PLCXD3: variants seen among roughly 807,000 people sequenced by gnomAD.
The protein encoded by PLCXD3 is phosphatidylinositol specific phospholipase C X domain containing 3.
In PLCXD3, 19 loss-of-function variants were observed where a neutral mutation model predicts 25.5. That is an observed-to-expected ratio of 0.75 (90% CI 0.52 to 1.09). The LOEUF (loss-of-function observed/expected upper bound fraction) is 1.09, where lower values mean the gene tolerates loss of function less well. PLCXD3 is among the 50% of genes least tolerant of loss of function. The pLI, the probability that PLCXD3 is intolerant of heterozygous loss-of-function variation, is 0.00. For missense variants in PLCXD3, 411 were observed against 388.1 expected, an observed-to-expected ratio of 1.06 and a Z score of -0.50; for synonymous variants, 174 against 137.6, an observed-to-expected ratio of 1.26 and a Z score of -1.85.
At chr5:41,336,904 C>T (rs568345237) in intron 2 of PLCXD3, among the ~76,000 whole-genome samples, 1 of 152,244 alleles carries the variant, frequency 6.6e-6, no homozygotes, top group South Asian at 2.1e-4. Flanking sequence ...ACCTTCTGCA[C>T]ACAAATCTTG....
intron 1 of PLCXD3, among the ~76,000 whole-genome samples, chr5:41,478,876 G>C (rs1391219696): frequency 6.6e-6 from 1 of 152,176 alleles, no homozygotes; most frequent in East Asian, 1.9e-4. Context: ...TTCTTCACAT[G>C]GCAGAGCAGC....
chr5:41,394,293 A>G (rs1745930746), intron 1 of PLCXD3, among the ~76,000 whole-genome samples: 1 of 152,186 alleles, frequency 6.6e-6, no homozygotes, highest in African/African-American at 2.4e-5. Flanking sequence ...AAATGAATAC[A>G]TAAAAAATAA....
chr5:41,307,585 C>T lies in PLCXD3; in HGVS notation c.*6032G>A, dbSNP rs1405830809. 6.6e-6 allele frequency: 1 copy of T among 152,194 alleles called. No homozygotes were observed. Among genetic ancestry groups the T allele is most frequent in the Non-Finnish European group, 1.5e-5 (1 of 68,132 alleles). The allele number at this position is 152,194 out of a possible 1,614,324, so 9.4% of individuals were successfully genotyped here. A position where few individuals can be genotyped will look rare whatever the true frequency, so the allele number is the denominator to read the frequency against. On this transcript the variant is annotated 3_prime_UTR_variant, in exon 3 of 3. Coordinates refer to ENST00000377801, the MANE Select transcript of PLCXD3 (RefSeq NM_001005473.3). Reference sequence around the variant, plus strand: ...GATAGCTGCATGTCAGGGTCAGATTCTATCCCCTACTTGCGCCTGCCTCCC... The same window carrying T: ...GATAGCTGCATGTCAGGGTCAGATTTTATCCCCTACTTGCGCCTGCCTCCC...
chr5:41,451,641 CT>C (rs977847427), intron 1 of PLCXD3, among the ~76,000 whole-genome samples: 35 of 148,108 alleles, frequency 2.4e-4, no homozygotes, highest in African/African-American at 4.0e-4. Context: ...TTTCCTCTCT[CT>C]TTTTTTTTTT....
intron 1 of PLCXD3, among the ~76,000 whole-genome samples, chr5:41,439,659 A>G (rs773827535): frequency 2.3e-4 from 35 of 152,170 alleles, no homozygotes; most frequent in Admixed American, 4.6e-4. Context: ...AACCTCTTCC[A>G]AATGTCTTTC....
intron 1 of PLCXD3, among the ~76,000 whole-genome samples, chr5:41,424,369 C>T (rs1351710717): frequency 2.0e-5 from 3 of 152,092 alleles, no homozygotes; most frequent in Non-Finnish European, 4.4e-5. Context: ...GGATAAACCC[C>T]GTCTCTACTA....
chr5:41,507,069 A>G (rs918124952), intron 1 of PLCXD3, among the ~76,000 whole-genome samples: 2 of 152,216 alleles, frequency 1.3e-5, no homozygotes, highest in African/African-American at 4.8e-5. Flanking sequence ...CATGCAGATT[A>G]CCAGCACCTT....
intron 1 of PLCXD3, among the ~76,000 whole-genome samples, chr5:41,491,583 G>T (rs1482512289): frequency 6.6e-6 from 1 of 152,072 alleles, no homozygotes; most frequent in Admixed American, 6.5e-5. Flanking sequence ...CTCTTTGTAG[G>T]TCTGTAAGGA....
At chr5:41,415,358 C>G (rs750894993) in intron 1 of PLCXD3, among the ~76,000 whole-genome samples, 1 of 152,152 alleles carries the variant, frequency 6.6e-6, no homozygotes, top group Non-Finnish European at 1.5e-5. Context: ...TTCAGGAAAC[C>G]TTGTCCCAGA....
chr5:41,340,473 C>A (rs1051859224), intron 2 of PLCXD3, among the ~76,000 whole-genome samples: 1 of 152,180 alleles, frequency 6.6e-6, no homozygotes, highest in African/African-American at 2.4e-5. Flanking sequence ...TTCTTCACCA[C>A]TCCACACTGG....
At chr5:41,420,415 A>C (rs1746791988) in intron 1 of PLCXD3, among the ~76,000 whole-genome samples, 1 of 152,218 alleles carries the variant, frequency 6.6e-6, no homozygotes, top group Non-Finnish European at 1.5e-5. Flanking sequence ...CTAGTGGCAT[A>C]AATTCAGTGT....
intron 1 of PLCXD3, among the ~76,000 whole-genome samples, chr5:41,387,725 A>G (rs1011442241): frequency 3.3e-5 from 5 of 152,146 alleles, no homozygotes; most frequent in African/African-American, 1.2e-4. Context: ...TCTTATTTTT[A>G]AACTAATGAA....
chr5:41,468,009 C>CTTTTTTTTT (rs145732089), intron 1 of PLCXD3, among the ~76,000 whole-genome samples: 2 of 52,404 alleles, frequency 3.8e-5, no homozygotes, highest in Non-Finnish European at 3.2e-5. Context: ...CAGCTTTATT[C>CTTTTTTTTT]TTTTTTTTTT....
At chr5:41,342,837 T>G (rs529773728) in intron 2 of PLCXD3, among the ~76,000 whole-genome samples, 18 of 152,246 alleles carry the variant, frequency 1.2e-4, no homozygotes, top group African/African-American at 3.6e-4. Context: ...AAGCTGAAAA[T>G]GCTTGCTTCA....
At chr5:41,466,249 A>T (rs1196944042) in intron 1 of PLCXD3, among the ~76,000 whole-genome samples, 2 of 152,212 alleles carry the variant, frequency 1.3e-5, no homozygotes, top group Admixed American at 6.5e-5. Context: ...ATGTAAGAAA[A>T]TTGAGCCCTG....
chr5:41,363,981 G>C (rs927776467), intron 2 of PLCXD3, among the ~76,000 whole-genome samples: 1 of 152,154 alleles, frequency 6.6e-6, no homozygotes, highest in Non-Finnish European at 1.5e-5. Context: ...TAAAGAAATA[G>C]AGCATCTGCA....
chr5:41,507,617 C>T (rs1414258127), intron 1 of PLCXD3, among the ~76,000 whole-genome samples: 2 of 152,162 alleles, frequency 1.3e-5, no homozygotes, highest in African/African-American at 4.8e-5. Flanking sequence ...TTTGCTGTAA[C>T]TCTGGGCAAT....
chr5:41,386,169 G>A (rs1448176136), intron 1 of PLCXD3, among the ~76,000 whole-genome samples: 2 of 152,070 alleles, frequency 1.3e-5, no homozygotes, highest in African/African-American at 4.8e-5. Flanking sequence ...TTTCAAAGAA[G>A]AGAAATTAAC....
At chr5:41,371,489 A>G (rs1449524145) in intron 2 of PLCXD3, among the ~76,000 whole-genome samples, 1 of 152,132 alleles carries the variant, frequency 6.6e-6, no homozygotes, top group African/African-American at 2.4e-5. Flanking sequence ...TTGTTGAAAT[A>G]TCCAAATATA....
Sources: gnomAD v4.1 joint callset for allele counts (sites outside exome capture counted in the v4.1 genomes callset) on GRCh38, gnomAD v4.1.1 for gene constraint, MANE v1.5 for transcripts, NCBI Gene and HGNC (gene_info 2026-07-23, HGNC 2026-07-21) for gene names.